RCC1: variants seen among roughly 807,000 people sequenced by gnomAD.
RCC1 encodes regulator of chromosome condensation.
Under a neutral mutation model 44.4 loss-of-function variants are expected in RCC1, and 11 were observed. That is an observed-to-expected ratio of 0.25 (90% CI 0.16 to 0.41). RCC1 has a LOEUF of 0.41. Ranked by LOEUF, RCC1 falls within the 10% of genes least tolerant of loss-of-function variation. The pLI, the probability that RCC1 is intolerant of heterozygous loss-of-function variation, is 1.00. For missense variants in RCC1, 386 were observed against 547.1 expected (o/e 0.71, Z 2.94); for synonymous variants, 213 against 216.5 (o/e 0.98, Z 0.14).
At chr1:28,530,547 G>A in intron 5 of RCC1, 2 of 1,605,656 alleles carry the variant, frequency 1.2e-6, no homozygotes, top group Admixed American at 1.7e-5. Flanking sequence ...GCCTCCCGCC[G>A]CGTTCCTGGC....
intron 4 of RCC1, among the ~76,000 whole-genome samples, chr1:28,523,964 C>T (rs569261621): frequency 3.9e-4 from 59 of 152,308 alleles, no homozygotes; most frequent in Non-Finnish European, 2.2e-4. Context: ...TTACAGCACG[C>T]GTCACCACGC....
Position 28,530,404 on chromosome 1 carries a change from G to A in RCC1, c.73+465G>A, listed in dbSNP as rs372836762. ...TAATGGCCTGGCAGCATTTGAGGGA[G>A]GTGGCTGTGGTTTCCTCTGTCCTGG... On this transcript the variant is annotated intron_variant, in intron 5 of 12. Coordinates refer to ENST00000683442, the MANE Select transcript of RCC1 (RefSeq NM_001381865.2). 1.1e-3 allele frequency: 902 copies of A among 799,600 alleles called. 16 individuals are homozygous for A. The South Asian group carries it at 0.014, about 13-fold the overall frequency. 49.5% of individuals were successfully genotyped at this position (799,600 alleles called of 1,614,324 possible).
Position 28,531,985 on chromosome 1 carries a change from G to A in RCC1, c.256G>A (p.Gly86Ser), listed in dbSNP as rs1664208028. Residue 86 changes from glycine (G) to serine (S), a missense_variant, in exon 6 of 13, where the codon GGC (glycine) becomes AGC (serine). Gly to Ser is a moderately conservative substitution (Grantham distance 56, BLOSUM62 0). Transcript: ENST00000683442. ...GCACACCGTGTGTCTAAGCAAAAGT[G>A]GCCAGGTAGGTGTTGGGGACTGGCA... ...GMHTVCLSKS[G>S]QVYSFGCNDE... 6.4e-7 allele frequency: 1 copy of A among 1,571,456 alleles called. No homozygotes were observed. The highest frequency in any genetic ancestry group is 1.9e-5 in the Admixed American group (1 of 53,746).
intron 4 of RCC1, chr1:28,527,340 C>T (rs1002100205): frequency 4.0e-6 from 2 of 504,378 alleles, no homozygotes; most frequent in East Asian, 4.0e-5. Context: ...CCCAGGCTCA[C>T]GCCATCCTCC....
intron 2 of RCC1, 150 bp from the exon 3 acceptor site, chr1:28,508,680 T>A: frequency 1.9e-6 from 1 of 519,086 alleles, no homozygotes; most frequent in Non-Finnish European, 3.8e-6. Context: ...AAGCTGGGCC[T>A]CGTGTCTGCG....
intron 12 of RCC1, among the ~76,000 whole-genome samples, chr1:28,537,442 G>T (rs1024028951): frequency 1.5e-4 from 23 of 152,306 alleles, no homozygotes; most frequent in African/African-American, 5.1e-4. Context: ...GGTTATCTGG[G>T]AAGACTTCCT....
intron 3 of RCC1, among the ~76,000 whole-genome samples, chr1:28,515,815 G>A (rs904451924): frequency 1.3e-5 from 2 of 152,184 alleles, no homozygotes; most frequent in Non-Finnish European, 2.9e-5. Flanking sequence ...GGGAGGCCAA[G>A]ATGGGCAGGT....
At chr1:28,516,012 G>A (rs1056152064) in intron 3 of RCC1, among the ~76,000 whole-genome samples, 1 of 151,410 alleles carries the variant, frequency 6.6e-6, no homozygotes, top group Non-Finnish European at 1.5e-5. Flanking sequence ...GTAAAACCCC[G>A]TCTCTACTAA....
Position 28,526,852 on chromosome 1 carries a change from G to A in RCC1, c.-9-3006G>A, listed in dbSNP as rs112899371. On this transcript the variant is annotated intron_variant, in intron 4 of 12. Coordinates refer to ENST00000683442, the MANE Select transcript of RCC1 (RefSeq NM_001381865.2). The stretch of plus-strand genomic sequence containing the variant: ...GGGGAGGTTGCAGTGAGCCGAGATC[G>A]TGCCACTGCACTCCAGCCTGGGTGA... The A allele has an allele frequency of 1.7e-4, 111 of 635,622 alleles. 1 individual carries two copies. The highest frequency in any genetic ancestry group is 1.5e-3 in the African/African-American group (79 of 53,664). 39.4% of individuals were successfully genotyped at this position (635,622 alleles called of 1,614,324 possible).
At chr1:28,526,644 C>T (rs1157873173) in intron 4 of RCC1, 1 of 489,428 alleles carries the variant, frequency 2.0e-6, no homozygotes, top group African/African-American at 2.0e-5. Flanking sequence ...ACCTGTAATC[C>T]CAGCACTTTG....
In RCC1 at chr1:28,536,089, A is replaced by G. The variant is rs115334961; in HGVS notation, c.817+63A>G. The G allele has an allele frequency of 9.6e-4, 1,492 of 1,555,556 alleles. 9 individuals carry two copies. The African/African-American group carries it at 0.018, about 19-fold the overall frequency. ...CCTGCGTTCCTGTCCTGGCTCTGCC[A>G]CTCATTCATTGTGCATCCTTTGCGG... is the stretch of plus-strand genomic sequence containing the variant. On this transcript the variant is annotated intron_variant, in intron 10 of 12. Transcript: ENST00000683442. This position sits in a 1 kb window ranked among gnomAD's most constrained non-coding sequence, Gnocchi z 4.9.
In RCC1 at chr1:28,534,897, G is replaced by A. The variant is rs371227518; in HGVS notation, c.442-153G>A. Among the ~76,000 whole-genome samples the A allele has an allele frequency of 1.2e-4, 19 of 152,292 alleles. 1 individual carries two copies. In the East Asian group the frequency reaches 3.5e-3, roughly 28 times the overall value. On this transcript the variant is annotated intron_variant, in intron 7 of 12. Coordinates refer to ENST00000683442, the MANE Select transcript of RCC1 (RefSeq NM_001381865.2). ...CTCCTTGATTATTTTAATGCAAGTC[G>A]CAGACCATAAATGATTTCATTCATA...
At chr1:28,531,025 T>C (rs953391586) in intron 5 of RCC1, among the ~76,000 whole-genome samples, 1 of 152,124 alleles carries the variant, frequency 6.6e-6, no homozygotes, top group African/African-American at 2.4e-5. Flanking sequence ...TGTCAGAAGA[T>C]CGAGACCATC....
chr1:28,515,493 G>C (rs891504001), intron 3 of RCC1, among the ~76,000 whole-genome samples: 4 of 151,426 alleles, frequency 2.6e-5, no homozygotes, highest in Non-Finnish European at 4.4e-5. Context: ...GAGATGGGTG[G>C]ATCACTTGAG....
chr1:28,511,172 T>C (rs561022624), intron 3 of RCC1, among the ~76,000 whole-genome samples: 1 of 152,248 alleles, frequency 6.6e-6, no homozygotes, highest in East Asian at 1.9e-4. Flanking sequence ...TCCCACCACT[T>C]GCTGTTCATG....
intron 9 of RCC1, chr1:28,535,636 GAGA>G (rs2124668856): frequency 2.6e-6 from 2 of 761,084 alleles, no homozygotes; most frequent in East Asian, 2.7e-5. Context: ...ATGAGTTAAT[GAGA>G]AGAATATCAG....
chr1:28,518,512 A>G (rs3122915), intron 4 of RCC1: 145,948 of 149,122 alleles, frequency 0.98, 71,404 homozygotes, highest in Middle Eastern at 1. Context: ...GCGCTCCAGC[A>G]GCGGCTGGGC....
intron 6 of RCC1, 70 bp from the exon 7 acceptor site, chr1:28,532,101 T>G: frequency 6.3e-7 from 1 of 1,575,422 alleles, no homozygotes; most frequent in South Asian, 1.2e-5. Context: ...GCTAGTCAAG[T>G]GGGGAGTGGC....
At chr1:28,535,749 A>T in intron 9 of RCC1, 122 bp from the exon 10 acceptor site, 2 of 1,056,462 alleles carry the variant, frequency 1.9e-6, no homozygotes, top group Non-Finnish European at 2.9e-6. Context: ...TCTATAAAAT[A>T]GGGATAAGAG....
Sources: allele counts gnomAD v4.1 joint callset (sites outside exome capture counted in the v4.1 genomes callset), GRCh38; gene constraint gnomAD v4.1.1; non-coding constraint Gnocchi (gnomAD v3.1); transcripts MANE v1.5; gene names NCBI Gene and HGNC (gene_info 2026-07-23, HGNC 2026-07-21).